ZNF536: variants seen among roughly 807,000 people sequenced by gnomAD.
The protein encoded by ZNF536 is zinc finger protein 536.
In ZNF536, 13 loss-of-function variants were observed where a neutral mutation model predicts 84.5. That is an observed-to-expected ratio of 0.15 (90% CI 0.10 to 0.24). ZNF536 has a LOEUF of 0.24. ZNF536 is among the 10% of genes least tolerant of loss of function. ZNF536 has a pLI of 1.00. For synonymous variants in ZNF536, 811 were observed against 742.5 expected (o/e 1.09, Z -1.50); for missense variants, 1,536 against 1,747.5 (o/e 0.88, Z 2.16).
chr19:30,712,948 A>T (rs1318007481), exon 2 of ZNF536: 3 of 146,210 alleles, frequency 2.1e-5, no homozygotes, highest in Non-Finnish European at 4.5e-5. Flanking sequence ...AAAAAAACAT[A>T]AAAAAAAAAG....
At chr19:30,699,354 T>G (rs2147974039) in intron 1 of ZNF536, among the ~76,000 whole-genome samples, 1 of 152,340 alleles carries the variant, frequency 6.6e-6, no homozygotes, top group African/African-American at 2.4e-5. Flanking sequence ...GAAGTTAAGC[T>G]TGAGTTCACA....
intron 2 of ZNF536, among the ~76,000 whole-genome samples, chr19:30,464,543 T>C (rs1053766195): frequency 2.0e-5 from 3 of 152,004 alleles, no homozygotes; most frequent in Admixed American, 1.3e-4. Context: ...ATGAAAATCA[T>C]GGGATCATGA....
At chr19:30,384,186 TCC>T (rs1202330186) in intron 1 of ZNF536, among the ~76,000 whole-genome samples, 1 of 46,120 alleles carries the variant, frequency 2.2e-5, no homozygotes, top group Non-Finnish European at 5.5e-5. Context: ...TCTTTCTTTC[TCC>T]TTCCTTCCTT....
intron 1 of ZNF536, among the ~76,000 whole-genome samples, chr19:30,397,592 C>A (rs1237399440): frequency 6.6e-6 from 1 of 152,188 alleles, no homozygotes; most frequent in Non-Finnish European, 1.5e-5. Flanking sequence ...TCAGCTTTTA[C>A]TTCTTTGTTT....
chr19:30,580,649 G>T (rs1241313173), intron 1 of ZNF536, among the ~76,000 whole-genome samples: 1 of 152,224 alleles, frequency 6.6e-6, no homozygotes, highest in Admixed American at 6.5e-5. Flanking sequence ...CTCTGGCCCA[G>T]ACGTCATCTA....
chr19:30,444,066 G>A lies in ZNF536; in HGVS notation c.504G>A (p.Ala168=), dbSNP rs547189963. Residue 168 remains alanine (A), a synonymous_variant, in exon 2 of 5, where the codon GCG becomes GCA. Coordinates refer to ENST00000355537, the MANE Select transcript of ZNF536 (RefSeq NM_014717.3). ...GCCCGTACTGCGACCACAGGGCGGC[G>A]CAGAAGGGGAACCTCAAGATTCACC... ...FKCPYCDHRA[A]QKGNLKIHLR... 7 of 1,613,338 alleles carry A rather than the reference G, an allele frequency of 4.3e-6. No homozygotes were observed. Among genetic ancestry groups the A allele is most frequent in the South Asian group, 2.2e-5 (2 of 91,084 alleles).
At chr19:30,368,205 T>G (rs2048499374), upstream of ZNF536, among the ~76,000 whole-genome samples, 1 of 152,216 alleles carries the variant, frequency 6.6e-6, no homozygotes, top group African/African-American at 2.4e-5. Flanking sequence ...AGCAGCTACA[T>G]GTTGATTGAA....
At chr19:30,689,485 G>A (rs573094539) in intron 1 of ZNF536, among the ~76,000 whole-genome samples, 1 of 152,304 alleles carries the variant, frequency 6.6e-6, no homozygotes, top group Admixed American at 6.5e-5. Context: ...AAATCATTTT[G>A]GGAGGGGAGA....
intron 1 of ZNF536, among the ~76,000 whole-genome samples, chr19:30,261,416 G>C (rs958131464): frequency 2.0e-5 from 3 of 151,914 alleles, no homozygotes; most frequent in Non-Finnish European, 4.4e-5. Flanking sequence ...AAAAGAGTAG[G>C]TGCGGTGGCT....
chr19:30,394,314 A>C (rs1444577714), intron 1 of ZNF536, among the ~76,000 whole-genome samples: 1 of 152,146 alleles, frequency 6.6e-6, no homozygotes, highest in Non-Finnish European at 1.5e-5. Context: ...GAACCCTTAC[A>C]CATTGGGTAA....
intron 4 of ZNF536, among the ~76,000 whole-genome samples, chr19:30,550,951 C>T (rs2045754294): frequency 6.6e-6 from 1 of 152,048 alleles, no homozygotes. Flanking sequence ...CAATTCATTA[C>T]TTTTGAAGCT....
At chr19:30,545,277 C>T (rs2045496501) in intron 3 of ZNF536, among the ~76,000 whole-genome samples, 1 of 152,058 alleles carries the variant, frequency 6.6e-6, no homozygotes, top group Non-Finnish European at 1.5e-5. Context: ...GACCCCAGAC[C>T]CAGGGAATCA....
Position 30,557,170 on chromosome 19 carries a change from C to T in ZNF536, c.*6C>T, listed in dbSNP as rs894259671. ...ATTTTCTTGCAGGTAAGTGACACTC[C>T]CTGTCCTAGTCGGTCTATCTGGACT... On this transcript the variant is annotated 3_prime_UTR_variant, in exon 5 of 5. Transcript: ENST00000355537. 1.9e-6 allele frequency: 3 copies of T among 1,613,366 alleles called. No individual in the cohort carries two copies. The highest frequency in any genetic ancestry group is 2.5e-6 in the Non-Finnish European group (3 of 1,179,718).
intron 1 of ZNF536, among the ~76,000 whole-genome samples, chr19:30,275,809 G>A (rs2026095496): frequency 6.7e-6 from 1 of 150,328 alleles, no homozygotes; most frequent in South Asian, 2.1e-4. Context: ...GTCAGTCAAT[G>A]AACAAAGCCC....
At chr19:30,665,581 G>A (rs2050285049) in intron 1 of ZNF536, 1 of 152,186 alleles carries the variant, frequency 6.6e-6, no homozygotes, top group African/African-American at 2.4e-5. Context: ...CCTGAAAGTG[G>A]CTCCTGAAGA....
intron 1 of ZNF536, among the ~76,000 whole-genome samples, chr19:30,662,913 A>G (rs998155763): frequency 1.3e-5 from 2 of 151,736 alleles, no homozygotes; most frequent in Admixed American, 1.3e-4. Flanking sequence ...TAAAGAAAAA[A>G]GGGAAAATTT....
At chr19:30,711,441 T>C (rs1391571726) in exon 2 of ZNF536, 1 of 152,218 alleles carries the variant, frequency 6.6e-6, no homozygotes, top group Non-Finnish European at 1.5e-5. Flanking sequence ...TGACACCAGC[T>C]GCTGTAATTC....
chr19:30,412,386 A>G (rs747589827), intron 1 of ZNF536, among the ~76,000 whole-genome samples: 1 of 150,282 alleles, frequency 6.7e-6, no homozygotes, highest in Non-Finnish European at 1.5e-5. Flanking sequence ...GGAATGTTGA[A>G]TTTTATCAAG....
intron 1 of ZNF536, among the ~76,000 whole-genome samples, chr19:30,393,074 G>A (rs960660018): frequency 6.6e-6 from 1 of 152,140 alleles, no homozygotes; most frequent in East Asian, 1.9e-4. Context: ...AGTCATGCGC[G>A]CTGGGGAATT....
Sources: gnomAD v4.1 joint callset for allele counts (sites outside exome capture counted in the v4.1 genomes callset) on GRCh38, gnomAD v4.1.1 for gene constraint, MANE v1.5 for transcripts, NCBI Gene and HGNC (gene_info 2026-07-23, HGNC 2026-07-21) for gene names.